CNTLN: variants seen among roughly 807,000 people sequenced by gnomAD.
CNTLN encodes centlein, centrosomal protein.
A neutral mutation model predicts 180.0 loss-of-function variants in CNTLN; 212 were observed. That is an observed-to-expected ratio of 1.18 (90% CI 1.05 to 1.32). CNTLN has a LOEUF of 1.32. CNTLN is among the 40% of genes most tolerant of loss of function. The probability of loss-of-function intolerance (pLI) is 0.00; values close to 1 mark genes in which losing one functional copy is unlikely to be tolerated. For missense variants in CNTLN, 2,095 were observed against 1,610.9 expected (o/e 1.30, Z -5.14); for synonymous variants, 722 against 563.1 (o/e 1.28, Z -3.99).
intron 7 of CNTLN, among the ~76,000 whole-genome samples, chr9:17,308,015 C>G (rs1304859424): frequency 1.4e-5 from 2 of 144,720 alleles, no homozygotes; most frequent in Admixed American, 1.4e-4. Context: ...CACACACACA[C>G]ACATTTTCGT....
At chr9:17,315,399 G>A (rs1180102440) in intron 8 of CNTLN, among the ~76,000 whole-genome samples, 1 of 151,912 alleles carries the variant, frequency 6.6e-6, no homozygotes, top group Non-Finnish European at 1.5e-5. Flanking sequence ...ACTTTTTATA[G>A]CTTCTCTTTA....
chr9:17,274,817 C>T (rs10962993), intron 6 of CNTLN, among the ~76,000 whole-genome samples: 6 of 151,852 alleles, frequency 4.0e-5, no homozygotes, highest in Middle Eastern at 6.8e-3. Flanking sequence ...CTGTTTATGA[C>T]GTAGTTTTTA....
chr9:17,460,574 C>T (rs1051654759), intron 19 of CNTLN, among the ~76,000 whole-genome samples: 1 of 151,686 alleles, frequency 6.6e-6, no homozygotes, highest in Non-Finnish European at 1.5e-5. Context: ...TACCTTTCTA[C>T]CCATCTGATA....
chr9:17,479,052 G>A (rs1832502387), intron 23 of CNTLN, among the ~76,000 whole-genome samples: 1 of 152,200 alleles, frequency 6.6e-6, no homozygotes, highest in African/African-American at 2.4e-5. Context: ...ATAAGTGTGA[G>A]TGAGGATGTG....
At chr9:17,243,413 T>C (rs1825613608) in intron 5 of CNTLN, among the ~76,000 whole-genome samples, 1 of 152,158 alleles carries the variant, frequency 6.6e-6, no homozygotes, top group Admixed American at 6.5e-5. Context: ...TGTTAGGTTG[T>C]TTATTTGTTA....
intron 6 of CNTLN, among the ~76,000 whole-genome samples, chr9:17,289,962 C>A (rs1829255083): frequency 6.6e-6 from 1 of 151,254 alleles, no homozygotes; most frequent in South Asian, 2.1e-4. Context: ...GAATGTCCTC[C>A]CGTAGCTCAG....
In CNTLN at chr9:17,404,414, C is replaced by T. The variant is rs536273879; in HGVS notation, c.2616-4879C>T. Among the ~76,000 whole-genome samples the T allele has an allele frequency of 3.3e-5, 5 of 151,556 alleles. No homozygotes were observed. The East Asian group carries it at 5.8e-4, about 18-fold the overall frequency. Reference sequence around the variant, plus strand: ...CTAGGGGATTTGAGAGTCCTGATGCCGAAGGTAGGAAAGTTCTTTGAGGGA... The same window carrying T: ...CTAGGGGATTTGAGAGTCCTGATGCTGAAGGTAGGAAAGTTCTTTGAGGGA... On this transcript the variant is annotated intron_variant, in intron 15 of 25. Transcript: ENST00000380647.
At chr9:17,429,943 G>A (rs1829317650) in intron 18 of CNTLN, among the ~76,000 whole-genome samples, 1 of 151,866 alleles carries the variant, frequency 6.6e-6, no homozygotes, top group Non-Finnish European at 1.5e-5. Context: ...TCATTTGAAT[G>A]GACATTTAAT....
intron 15 of CNTLN, among the ~76,000 whole-genome samples, chr9:17,408,423 AC>A (rs1202745856): frequency 3.3e-5 from 5 of 151,832 alleles, no homozygotes; most frequent in Non-Finnish European, 5.9e-5. Flanking sequence ...CTGTCCCTCT[AC>A]CCTGACCAGG....
intron 14 of CNTLN, among the ~76,000 whole-genome samples, chr9:17,391,882 G>A (rs1291308001): frequency 6.6e-6 from 1 of 152,048 alleles, no homozygotes; most frequent in Non-Finnish European, 1.5e-5. Flanking sequence ...CAAGATGTAG[G>A]TATTACTATC....
intron 18 of CNTLN, among the ~76,000 whole-genome samples, chr9:17,431,547 A>C (rs1220193676): frequency 6.6e-6 from 1 of 152,046 alleles, no homozygotes; most frequent in Non-Finnish European, 1.5e-5. Flanking sequence ...AGCTTGACAT[A>C]ATCCCATTTG....
chr9:17,258,590 T>C (rs1382228056), intron 5 of CNTLN, among the ~76,000 whole-genome samples: 2 of 150,680 alleles, frequency 1.3e-5, no homozygotes, highest in Non-Finnish European at 2.9e-5. Context: ...TTTCACGATA[T>C]TGATTCTTCC....
At chr9:17,513,433 C>T in the CNTLN span, among the ~76,000 whole-genome samples, 4 of 151,976 alleles carry the variant, frequency 2.6e-5, no homozygotes, top group Non-Finnish European at 4.4e-5. Context: ...CAGTGGCTCA[C>T]GCATGTAATC....
intron 7 of CNTLN, chr9:17,299,261 AAAAAAAC>A (rs1818178637): frequency 6.2e-6 from 1 of 161,702 alleles, no homozygotes; most frequent in Non-Finnish European, 1.1e-5. Context: ...AAAAAAAAAA[AAAAAAAC>A]CTTTACTGAA....
In CNTLN at chr9:17,353,957, C is replaced by T. The variant is rs148611789; in HGVS notation, c.1886+11513C>T. 0.017 allele frequency among the ~76,000 whole-genome samples: 2,628 copies of T among 152,236 alleles called. 148 individuals carry two copies. In the East Asian group the frequency reaches 0.22, roughly 13 times the overall value. ...GGAGGGAGAGGCGTGAGCGGGAACC[C>T]GGGCTGTGTGCGGTGCTTGTTGGCC... On this transcript the variant is annotated intron_variant, in intron 12 of 25. Transcript: ENST00000380647.
chr9:17,440,700 A>G (rs76609227), intron 18 of CNTLN, among the ~76,000 whole-genome samples: 5,540 of 152,308 alleles, frequency 0.036, 280 homozygotes, highest in East Asian at 0.24. Flanking sequence ...GGGTCCATCA[A>G]CTTATGAATG....
intron 5 of CNTLN, among the ~76,000 whole-genome samples, chr9:17,270,944 G>GTTTTT (rs1470630293): frequency 1.8e-4 from 19 of 105,458 alleles, no homozygotes; most frequent in East Asian, 5.1e-4. Context: ...TCAGAGAGGA[G>GTTTTT]TTCTTTTTTT....
intron 3 of CNTLN, among the ~76,000 whole-genome samples, chr9:17,230,305 A>G (rs1824732182): frequency 6.6e-6 from 1 of 152,132 alleles, no homozygotes; most frequent in Non-Finnish European, 1.5e-5. Context: ...CTACAGAGGC[A>G]ATTTAATTTA....
chr9:17,206,388 G>C (rs1011521111), intron 2 of CNTLN, among the ~76,000 whole-genome samples: 1 of 152,148 alleles, frequency 6.6e-6, no homozygotes, highest in African/African-American at 2.4e-5. Flanking sequence ...GCTGCGTACT[G>C]TTGTGTTGCA....
Sources: gnomAD v4.1 joint callset for allele counts (sites outside exome capture counted in the v4.1 genomes callset) on GRCh38, gnomAD v4.1.1 for gene constraint, MANE v1.5 for transcripts, NCBI Gene and HGNC (gene_info 2026-07-23, HGNC 2026-07-21) for gene names.